Variants in THSD7A observed in about 807,000 individuals in gnomAD.
The protein encoded by THSD7A is thrombospondin type-1 domain-containing protein 7A.
Under a neutral mutation model 231.3 loss-of-function variants are expected in THSD7A, and 96 were observed. That is an observed-to-expected ratio of 0.41 (90% confidence interval 0.35 to 0.49). The LOEUF (loss-of-function observed/expected upper bound fraction) is 0.49, where lower values mean the gene tolerates loss of function less well. THSD7A is among the 20% of genes least tolerant of loss of function. The pLI, the probability that THSD7A is intolerant of heterozygous loss-of-function variation, is 0.05. For missense variants in THSD7A, 2,290 were observed against 2,070.2 expected (o/e 1.11, Z -2.06); for synonymous variants, 940 against 743.3 (o/e 1.26, Z -4.30).
At chr7:11,769,346 A>G (rs1206860957) in intron 1 of THSD7A, among the ~76,000 whole-genome samples, 1 of 150,670 alleles carries the variant, frequency 6.6e-6, no homozygotes, top group Non-Finnish European at 1.5e-5. Flanking sequence ...TACTCTGGAA[A>G]ATTAATTGCA....
intron 17 of THSD7A, among the ~76,000 whole-genome samples, chr7:11,414,537 T>C (rs1414907613): frequency 6.6e-6 from 1 of 152,220 alleles, no homozygotes; most frequent in Non-Finnish European, 1.5e-5. Flanking sequence ...TCCCAGCCTG[T>C]CAGGATGGCC....
chr7:11,513,561 T>C (rs1787906917), intron 6 of THSD7A, among the ~76,000 whole-genome samples: 1 of 152,276 alleles, frequency 6.6e-6, no homozygotes, highest in Admixed American at 6.5e-5. Context: ...TCACATATTA[T>C]ATCATTCTAT....
intron 13 of THSD7A, among the ~76,000 whole-genome samples, chr7:11,430,484 G>A (rs937937594): frequency 1.3e-5 from 2 of 151,938 alleles, no homozygotes; most frequent in African/African-American, 4.8e-5. Flanking sequence ...TTGTTTTAGA[G>A]ATGTCTCACT....
chr7:11,375,841 G>T lies in THSD7A; in HGVS notation c.4927C>A (p.Arg1643=). ...PKKPQRRQNN[R]LKPLTLAYDG... is the part of the protein sequence containing the mutation. The stretch of plus-strand genomic sequence containing the variant: ...TAGGCTAAGGTTAAAGGTTTCAGTC[G>T]GTTGTTTTGCCTTCTTTGGGGTTTC... The change falls in exon 28 of 28, where the codon CGA becomes AGA. Residue 1643 remains arginine (R), a synonymous_variant. Coordinates refer to ENST00000423059, the MANE Select transcript of THSD7A (RefSeq NM_015204.3). The T allele has an allele frequency of 6.2e-7, 1 of 1,612,720 alleles. No individual in the cohort carries two copies. Among genetic ancestry groups the T allele is most frequent in the Non-Finnish European group, 8.5e-7 (1 of 1,179,072 alleles).
chr7:11,689,579 C>T (rs1290820079), intron 1 of THSD7A, among the ~76,000 whole-genome samples: 1 of 151,582 alleles, frequency 6.6e-6, no homozygotes, highest in Non-Finnish European at 1.5e-5. Flanking sequence ...CCCTTGAGAG[C>T]CACAGGTTAA....
At chr7:11,456,474 T>C (rs1785312592) in intron 11 of THSD7A, among the ~76,000 whole-genome samples, 2 of 152,090 alleles carry the variant, frequency 1.3e-5, no homozygotes, top group Admixed American at 6.6e-5. Context: ...AAAATAGTTC[T>C]TTTATTGCTG....
At chr7:11,571,572 G>T (rs182036281) in intron 4 of THSD7A, among the ~76,000 whole-genome samples, 63 of 152,270 alleles carry the variant, frequency 4.1e-4, no homozygotes, top group African/African-American at 1.3e-3. Flanking sequence ...AAGATCACAT[G>T]GCTCAGGTAA....
chr7:11,762,289 T>G (rs1266304789), intron 1 of THSD7A, among the ~76,000 whole-genome samples: 1 of 152,136 alleles, frequency 6.6e-6, no homozygotes, highest in Non-Finnish European at 1.5e-5. Flanking sequence ...GGTAATGATA[T>G]TGTTAGTTAT....
intron 7 of THSD7A, among the ~76,000 whole-genome samples, chr7:11,477,371 G>A (rs532195519): frequency 3.6e-4 from 54 of 152,104 alleles, no homozygotes; most frequent in African/African-American, 1.2e-3. Flanking sequence ...AAATGATATC[G>A]TATTCTCATT....
At chr7:11,829,528 A>G (rs1473672604) in intron 1 of THSD7A, among the ~76,000 whole-genome samples, 1 of 152,080 alleles carries the variant, frequency 6.6e-6, no homozygotes, top group African/African-American at 2.4e-5. Context: ...CATCATTTTA[A>G]TTCAATAATC....
At chr7:11,584,408 A>G (rs2128338715) in intron 4 of THSD7A, among the ~76,000 whole-genome samples, 1 of 152,302 alleles carries the variant, frequency 6.6e-6, no homozygotes. Context: ...ATGAGTTAAT[A>G]AAATATAAGA....
At chr7:11,790,946 A>T (rs1200242633) in intron 1 of THSD7A, among the ~76,000 whole-genome samples, 2 of 151,930 alleles carry the variant, frequency 1.3e-5, no homozygotes, top group Non-Finnish European at 2.9e-5. Context: ...AAAGAACAAA[A>T]TCCGTTATAG....
intron 2 of THSD7A, among the ~76,000 whole-genome samples, chr7:11,617,503 G>C (rs1781148007): frequency 6.6e-6 from 1 of 152,020 alleles, no homozygotes; most frequent in Admixed American, 6.5e-5. Flanking sequence ...ATTCTTATTG[G>C]AAGTACAGAA....
In THSD7A at chr7:11,590,548, A is replaced by G. The variant is rs746482026; in HGVS notation, c.1365T>C (p.Cys455=). The change falls in exon 4 of 28, where the codon TGT becomes TGC. Residue 455 remains cysteine (C), a synonymous_variant. Coordinates refer to ENST00000423059, the MANE Select transcript of THSD7A (RefSeq NM_015204.3). The surrounding 1 kb of genome is among the most constrained non-coding windows in gnomAD (Gnocchi z 4.4). ...DKRRGNQTAL[C]GGGIQTREVY... The stretch of plus-strand genomic sequence containing the variant: ...CCTCTCGGGTCTGGATGCCCCCTCC[A>G]CAGAGGGCCGTCTGGTTGCCGCGCC... 3 of 1,613,906 alleles carry G rather than the reference A, an allele frequency of 1.9e-6. No individual in the cohort carries two copies. The highest frequency in any genetic ancestry group is 2.7e-5 in the African/African-American group (2 of 75,032).
chr7:11,443,635 C>T (rs1281590663), intron 13 of THSD7A, among the ~76,000 whole-genome samples: 1 of 151,750 alleles, frequency 6.6e-6, no homozygotes, highest in African/African-American at 2.4e-5. Context: ...CTTAAATATA[C>T]ACAATAAAAT....
intron 22 of THSD7A, among the ~76,000 whole-genome samples, chr7:11,404,280 G>A (rs1480937319): frequency 6.6e-6 from 1 of 152,170 alleles, no homozygotes; most frequent in Non-Finnish European, 1.5e-5. Flanking sequence ...CATTTGATAA[G>A]TAACAGTCAA....
At chr7:11,541,354 A>T in intron 6 of THSD7A, 65 bp downstream of exon 6, 2 of 1,489,902 alleles carry the variant, frequency 1.3e-6, no homozygotes, top group Non-Finnish European at 1.9e-6. Flanking sequence ...GGATTTTAAC[A>T]GAAAGTAAAA....
intron 1 of THSD7A, among the ~76,000 whole-genome samples, chr7:11,654,346 T>C (rs1396240303): frequency 6.6e-6 from 1 of 151,966 alleles, no homozygotes; most frequent in Non-Finnish European, 1.5e-5. Flanking sequence ...GGATGTGCTA[T>C]TAATAAAATC....
intron 13 of THSD7A, among the ~76,000 whole-genome samples, chr7:11,432,249 G>A (rs1330272102): frequency 2.6e-5 from 4 of 152,038 alleles, no homozygotes; most frequent in African/African-American, 9.7e-5. Context: ...AAGTTAGGAA[G>A]TGCTACTATA....
Sources: gnomAD v4.1 joint callset for allele counts (sites outside exome capture counted in the v4.1 genomes callset) on GRCh38, gnomAD v4.1.1 for gene constraint, Gnocchi (gnomAD v3.1) non-coding constraint, MANE v1.5 for transcripts, NCBI Gene and HGNC (gene_info 2026-07-23, HGNC 2026-07-21) for gene names.